Variants in MCF2L2 observed in about 807,000 individuals in gnomAD.
The protein encoded by MCF2L2 is probable guanine nucleotide exchange factor MCF2L2.
In MCF2L2, 102 loss-of-function variants were observed where a neutral mutation model predicts 150.2. The ratio of observed to expected loss-of-function variants is 0.68; its 90% CI spans 0.58 to 0.80. The LOEUF is 0.80. MCF2L2 is among the 30% of genes least tolerant of loss of function. The pLI, the probability that MCF2L2 is intolerant of heterozygous loss-of-function variation, is 0.00. For synonymous variants in MCF2L2, 465 were observed against 491.3 expected (o/e 0.95, Z 0.71); for missense variants, 1,256 against 1,372.8 (o/e 0.91, Z 1.34).
intron 3 of MCF2L2, among the ~76,000 whole-genome samples, chr3:183,344,607 C>T (rs1481871307): frequency 6.6e-6 from 1 of 152,092 alleles, no homozygotes; most frequent in Non-Finnish European, 1.5e-5. Context: ...GGGCTAAATG[C>T]CCCAATTAAA....
intron 25 of MCF2L2, among the ~76,000 whole-genome samples, chr3:183,203,198 G>A (rs1404703989): frequency 6.6e-6 from 1 of 151,870 alleles, no homozygotes; most frequent in African/African-American, 2.4e-5. Flanking sequence ...GGGCTACAGA[G>A]CAAGACTCTG....
At chr3:183,293,945 A>G (rs1018381875) in intron 13 of MCF2L2, among the ~76,000 whole-genome samples, 4 of 152,188 alleles carry the variant, frequency 2.6e-5, no homozygotes, top group Non-Finnish European at 4.4e-5. Flanking sequence ...TGACCTAAAA[A>G]ACATAAGTTA....
At position 183,413,708 on chromosome 3, in the gene MCF2L2, G is replaced by C. The variant is rs141619424; in HGVS notation, c.76+14194C>G. Among the ~76,000 whole-genome samples the C allele has an allele frequency of 9.5e-4, 145 of 152,328 alleles. 1 individual carries two copies. The highest frequency in any genetic ancestry group is 2.9e-3 in the African/African-American group (122 of 41,574). On this transcript the variant is annotated intron_variant, in intron 1 of 29. Transcript: ENST00000328913. ...AAGCAGGGCTGCCTCCTCTGCTTTTGTCAGGAGGTAGACCAGCAGGACTGA... is the reference window on the plus strand; with the variant it reads ...AAGCAGGGCTGCCTCCTCTGCTTTTCTCAGGAGGTAGACCAGCAGGACTGA...
chr3:183,388,463 G>A (rs1713955635), intron 2 of MCF2L2, among the ~76,000 whole-genome samples: 1 of 152,184 alleles, frequency 6.6e-6, no homozygotes, highest in African/African-American at 2.4e-5. Flanking sequence ...GGCTGGTTAG[G>A]TCCTCCCACA....
chr3:183,364,840 T>G (rs1712430487), intron 3 of MCF2L2, among the ~76,000 whole-genome samples: 1 of 152,164 alleles, frequency 6.6e-6, no homozygotes, highest in Non-Finnish European at 1.5e-5. Context: ...ATTAACCTCA[T>G]CAGAAATGTA....
intron 27 of MCF2L2, among the ~76,000 whole-genome samples, chr3:183,188,841 G>A (rs114648899): frequency 1.1e-3 from 175 of 152,264 alleles, no homozygotes; most frequent in African/African-American, 4.0e-3. Context: ...TGTGGCATGA[G>A]CCTGTAATCC....
chr3:183,278,192 A>AT (rs1340676132), intron 14 of MCF2L2, among the ~76,000 whole-genome samples: 3 of 146,580 alleles, frequency 2.0e-5, no homozygotes, highest in African/African-American at 7.9e-5. Context: ...TCAAAAGAAA[A>AT]AATATATATA....
chr3:183,379,948 C>G (rs1713420278), intron 2 of MCF2L2, among the ~76,000 whole-genome samples: 2 of 151,606 alleles, frequency 1.3e-5, no homozygotes, highest in African/African-American at 4.9e-5. Flanking sequence ...ATGCTTGTAC[C>G]TACATGGTAA....
intron 7 of MCF2L2, among the ~76,000 whole-genome samples, chr3:183,316,690 T>C (rs6768150): frequency 0.18 from 26,352 of 149,744 alleles, 2,672 homozygotes; most frequent in African/African-American, 0.28. Context: ...GGAATATATT[T>C]TTTCTCTTTT....
intron 10 of MCF2L2, among the ~76,000 whole-genome samples, chr3:183,308,432 T>C (rs1056512888): frequency 6.6e-6 from 1 of 152,230 alleles, no homozygotes; most frequent in African/African-American, 2.4e-5. Flanking sequence ...CTAGTCATCA[T>C]ATATATGAAA....
At chr3:183,348,097 C>T (rs780705403) in intron 3 of MCF2L2, among the ~76,000 whole-genome samples, 1 of 152,130 alleles carries the variant, frequency 6.6e-6, no homozygotes, top group Non-Finnish European at 1.5e-5. Context: ...AAGACACATG[C>T]ACAAGTATGT....
intron 3 of MCF2L2, among the ~76,000 whole-genome samples, chr3:183,356,512 AAAATAAAT>A (rs911604393): frequency 6.6e-6 from 1 of 152,148 alleles, no homozygotes; most frequent in Non-Finnish European, 1.5e-5. Flanking sequence ...ACTCCGTCTC[AAAATAAAT>A]AAATAAATAA....
chr3:183,352,910 G>A (rs1348655822), intron 3 of MCF2L2, among the ~76,000 whole-genome samples: 1 of 152,038 alleles, frequency 6.6e-6, no homozygotes, highest in Non-Finnish European at 1.5e-5. Flanking sequence ...AATATTTGTA[G>A]GCAAAATCTA....
At position 183,379,350 on chromosome 3, in the gene MCF2L2, G is replaced by A. The variant is rs1168000673; in HGVS notation, c.222C>T (p.His74=). 8 of 1,610,856 alleles carry A rather than the reference G, an allele frequency of 5.0e-6. No individual in the cohort carries two copies. Among genetic ancestry groups the A allele is most frequent in the Non-Finnish European group, 6.8e-6 (8 of 1,178,776 alleles). ...CATTCAGGAAGTCTTCATCTGGGATGTGTTTGAACCCCGAAAACTCTGGGA... is the reference window on the plus strand; with the variant it reads ...CATTCAGGAAGTCTTCATCTGGGATATGTTTGAACCCCGAAAACTCTGGGA... The part of the protein sequence containing the change: ...ITFPEFSGFK[H]IPDEDFLNVM... Residue 74 remains histidine, a synonymous_variant, in exon 3 of 30, where the codon CAC becomes CAT. Coordinates refer to ENST00000328913, the MANE Select transcript of MCF2L2 (RefSeq NM_015078.4).
Position 183,228,052 on chromosome 3 carries a change from T to C in MCF2L2, c.2115+245A>G, listed in dbSNP as rs529766552. ...ATACACACACACACACACACAATGG[T>C]AATGAATGTATTCATTAACTTGATT... On this transcript the variant is annotated intron_variant, in intron 18 of 29. Coordinates refer to ENST00000328913, the MANE Select transcript of MCF2L2 (RefSeq NM_015078.4). The C allele has an allele frequency of 3.2e-3, 401 of 125,402 alleles. 2 individuals are homozygous for C. Among genetic ancestry groups the C allele is most frequent in the African/African-American group, 0.014 (375 of 27,746 alleles). The allele number at this position is 125,402 out of a possible 1,614,324, so 7.8% of individuals were successfully genotyped here.
chr3:183,312,710 G>A (rs1729435768), intron 7 of MCF2L2, among the ~76,000 whole-genome samples: 1 of 152,218 alleles, frequency 6.6e-6, no homozygotes. Context: ...TGTGGGAAGA[G>A]TTTTAGACCT....
rs144903953 is a variant in MCF2L2 at position 183,422,567 on chromosome 3, G to A, written c.76+5335C>T. Among the ~76,000 whole-genome samples, 568 of 152,242 alleles carry A rather than the reference G, an allele frequency of 3.7e-3. 2 individuals carry two copies. Among genetic ancestry groups the A allele is most frequent in the African/African-American group, 0.013 (538 of 41,534 alleles). ...AGCAGACCCTGACCTCTCAGCTGTA[G>A]GCTCTCCAGGAACTTGGCCTCAGCA... On this transcript the variant is annotated intron_variant, in intron 1 of 29. Transcript: ENST00000328913.
rs550032729 is a variant in MCF2L2, at chr3:183,270,855, T to C, written c.1862+6017A>G. Reference sequence around the variant, plus strand: ...TTCCAAAGGTTTTTTTGGTCAAATATACTGCAGATTAATGAAGATAATTCT... The same window carrying C: ...TTCCAAAGGTTTTTTTGGTCAAATACACTGCAGATTAATGAAGATAATTCT... On this transcript the variant is annotated intron_variant, in intron 15 of 29. Transcript: ENST00000328913. This position sits in a 1 kb window ranked among gnomAD's most constrained non-coding sequence, Gnocchi z 4.5. 1.2e-6 allele frequency: 2 copies of C among 1,612,934 alleles called. No homozygotes were observed. The highest frequency in any genetic ancestry group is 1.7e-5 in the Admixed American group (1 of 59,744).
At chr3:183,228,910 A>G (rs1424420079) in intron 17 of MCF2L2, among the ~76,000 whole-genome samples, 1 of 152,184 alleles carries the variant, frequency 6.6e-6, no homozygotes, top group East Asian at 1.9e-4. Flanking sequence ...TCAACCAAAG[A>G]TAGGGTTTTA....
Sources: allele counts gnomAD v4.1 joint callset (sites outside exome capture counted in the v4.1 genomes callset), GRCh38; gene constraint gnomAD v4.1.1; non-coding constraint Gnocchi (gnomAD v3.1); transcripts MANE v1.5; gene names NCBI Gene and HGNC (gene_info 2026-07-23, HGNC 2026-07-21).